The following LIN28B variants were observed in gnomAD, a reference collection of about 807,000 sequenced individuals.
LIN28B encodes protein lin-28 homolog B.
A neutral mutation model predicts 21.9 loss-of-function variants in LIN28B; 5 were observed. That is an observed-to-expected ratio of 0.23 (90% confidence interval 0.12 to 0.48). The LOEUF (loss-of-function observed/expected upper bound fraction) is 0.48, where lower values mean the gene tolerates loss of function less well. LIN28B is among the 20% of genes least tolerant of loss of function. The pLI is 0.98. For missense variants in LIN28B, 245 were observed against 310.5 expected, an observed-to-expected ratio of 0.79 and a Z score of 1.58; for synonymous variants, 109 against 111.3, an observed-to-expected ratio of 0.98 and a Z score of 0.13.
chr6:104,993,330 A>C (rs1235941075), intron 2 of LIN28B, among the ~76,000 whole-genome samples: 2 of 152,170 alleles, frequency 1.3e-5, no homozygotes, highest in East Asian at 3.9e-4. Flanking sequence ...TTAGCTGGGC[A>C]TGGTGGAGAG....
intron 2 of LIN28B, among the ~76,000 whole-genome samples, chr6:104,939,098 T>G (rs1053594543): frequency 2.0e-5 from 3 of 152,196 alleles, no homozygotes; most frequent in African/African-American, 7.2e-5. Flanking sequence ...TAAGCTCTAC[T>G]CATAAATAAA....
At chr6:104,979,215 A>ATT (rs199715968) in intron 2 of LIN28B, among the ~76,000 whole-genome samples, 1 of 145,814 alleles carries the variant, frequency 6.9e-6, no homozygotes, top group Non-Finnish European at 1.5e-5. Context: ...TTTTAATTTA[A>ATT]TTTTTTTTTT....
upstream of LIN28B, among the ~76,000 whole-genome samples, chr6:104,956,071 A>G (rs1778285030): frequency 6.6e-6 from 1 of 152,158 alleles, no homozygotes; most frequent in South Asian, 2.1e-4. Context: ...TTAAAATGTC[A>G]GGGTACAAGT....
chr6:105,013,076 C>T (rs1263463130), intron 2 of LIN28B, among the ~76,000 whole-genome samples: 2 of 152,048 alleles, frequency 1.3e-5, no homozygotes, highest in Non-Finnish European at 2.9e-5. Flanking sequence ...GGTGCAATGG[C>T]GCAATCTCAG....
chr6:104,997,075 A>G (rs1379102013), intron 2 of LIN28B, among the ~76,000 whole-genome samples: 1 of 152,008 alleles, frequency 6.6e-6, no homozygotes. Context: ...AGGTCAGGAG[A>G]TCGAGACCAT....
chr6:105,076,862 C>CTTT (rs893455614), intron 3 of LIN28B, among the ~76,000 whole-genome samples: 1 of 151,854 alleles, frequency 6.6e-6, no homozygotes, highest in Non-Finnish European at 1.5e-5. Context: ...TCTCGGTCTC[C>CTTT]CAAAGTGCTG....
intron 2 of LIN28B, among the ~76,000 whole-genome samples, chr6:104,948,494 A>G (rs886199483): frequency 6.6e-6 from 1 of 152,170 alleles, no homozygotes; most frequent in Non-Finnish European, 1.5e-5. Flanking sequence ...TATTACATAT[A>G]AATACTCATG....
At chr6:104,947,782 T>TG (rs1352742145) in intron 2 of LIN28B, among the ~76,000 whole-genome samples, 43 of 151,578 alleles carry the variant, frequency 2.8e-4, no homozygotes, top group Admixed American at 2.8e-3. Flanking sequence ...TTTTTTTTTT[T>TG]TTTTTATAAA....
At chr6:105,059,378 C>A (rs905001776) in intron 3 of LIN28B, among the ~76,000 whole-genome samples, 2 of 152,138 alleles carry the variant, frequency 1.3e-5, no homozygotes, top group Non-Finnish European at 2.9e-5. Flanking sequence ...TCACTCTTCA[C>A]ATTTTGCTAG....
intron 2 of LIN28B, 112 bp downstream of exon 2, chr6:104,958,398 AAT>A (rs1260167480): frequency 1.2e-6 from 1 of 856,758 alleles, no homozygotes; most frequent in Non-Finnish European, 1.7e-6. Context: ...TGAAAGACAA[AAT>A]CTTCCCTGAA....
intron 2 of LIN28B, among the ~76,000 whole-genome samples, chr6:104,987,797 T>C (rs1770377625): frequency 6.6e-6 from 1 of 152,232 alleles, no homozygotes; most frequent in Admixed American, 6.5e-5. Context: ...CAGGGTGGAG[T>C]GCAATGGTGC....
At chr6:105,058,213 G>T (rs1451281599) in intron 3 of LIN28B, 3 of 249,324 alleles carry the variant, frequency 1.2e-5, no homozygotes, top group Admixed American at 5.7e-5. Context: ...CACATGAGCT[G>T]CAACACCATA....
At chr6:104,965,788 C>G (rs1409379282) in intron 2 of LIN28B, among the ~76,000 whole-genome samples, 1 of 152,062 alleles carries the variant, frequency 6.6e-6, no homozygotes, top group African/African-American at 2.4e-5. Context: ...AAGATTTTAC[C>G]TGTGTAAGAT....
intron 2 of LIN28B, among the ~76,000 whole-genome samples, chr6:105,005,243 C>T (rs1562089611): frequency 6.6e-6 from 1 of 152,022 alleles, no homozygotes; most frequent in Non-Finnish European, 1.5e-5. Flanking sequence ...TTGTTCTCTT[C>T]CAATAAGTTT....
At chr6:104,970,169 A>G (rs1769945121) in intron 2 of LIN28B, among the ~76,000 whole-genome samples, 1 of 152,146 alleles carries the variant, frequency 6.6e-6, no homozygotes, top group African/African-American at 2.4e-5. Flanking sequence ...TGTAAAACCT[A>G]ATTTACACTA....
intron 2 of LIN28B, among the ~76,000 whole-genome samples, chr6:104,962,173 C>A (rs167539): frequency 0.64 from 97,348 of 151,850 alleles, 31,513 homozygotes; most frequent in South Asian, 0.72. Context: ...ATATACTTGG[C>A]ATTCCTTGCC....
chr6:104,947,288 C>T (rs1178099581), intron 2 of LIN28B, among the ~76,000 whole-genome samples: 1 of 152,040 alleles, frequency 6.6e-6, no homozygotes, highest in Non-Finnish European at 1.5e-5. Flanking sequence ...CCACGCCTGG[C>T]TAATTCATGT....
chr6:104,950,212 C>T (rs413130), intron 2 of LIN28B, among the ~76,000 whole-genome samples: 71,008 of 151,438 alleles, frequency 0.47, 18,360 homozygotes, highest in East Asian at 0.69. Flanking sequence ...CTTTTGACTG[C>T]ATCTTAATGG....
chr6:105,064,806 C>T (rs1772189796), intron 3 of LIN28B, among the ~76,000 whole-genome samples: 1 of 152,096 alleles, frequency 6.6e-6, no homozygotes, highest in Non-Finnish European at 1.5e-5. Flanking sequence ...TCTTGTTCCA[C>T]TAAGAGAATA....
Sources: gnomAD v4.1 joint callset for allele counts (sites outside exome capture counted in the v4.1 genomes callset) on GRCh38, gnomAD v4.1.1 for gene constraint, MANE v1.5 for transcripts, NCBI Gene and HGNC (gene_info 2026-07-23, HGNC 2026-07-21) for gene names.